FOXP4: variants seen among roughly 807,000 people sequenced by gnomAD.
FOXP4 encodes forkhead box P4.
FOXP4 carries 25 observed loss-of-function variants against 82.6 expected under a neutral mutation model. The ratio of observed to expected loss-of-function variants is 0.30; its 90% CI spans 0.22 to 0.42. The LOEUF (loss-of-function observed/expected upper bound fraction) is 0.42, where lower values mean the gene tolerates loss of function less well. Among genes scored for constraint, FOXP4 ranks in the 10% least tolerant of loss-of-function variants. The pLI, the probability that FOXP4 is intolerant of heterozygous loss-of-function variation, is 1.00. For synonymous variants in FOXP4, 415 were observed against 388.2 expected (o/e 1.07, Z -0.81); for missense variants, 785 against 900.9 (o/e 0.87, Z 1.65).
chr6:41,551,519 C>T (rs1010755526), intron 1 of FOXP4, among the ~76,000 whole-genome samples: 4 of 152,230 alleles, frequency 2.6e-5, no homozygotes, highest in African/African-American at 9.6e-5. Flanking sequence ...GGAGCCTCCA[C>T]AGCCAGGCCT....
At chr6:41,575,629 A>T (rs1288891621) in intron 2 of FOXP4, among the ~76,000 whole-genome samples, 1 of 151,968 alleles carries the variant, frequency 6.6e-6, no homozygotes, top group African/African-American at 2.4e-5. Context: ...TTTTCCTGTA[A>T]ATCATGTAAT....
In FOXP4 at chr6:41,599,537, G is replaced by T. The variant is rs1767093924; in HGVS notation, c.*601G>T. On this transcript the variant is annotated 3_prime_UTR_variant, in exon 17 of 17. Coordinates refer to ENST00000307972, the MANE Select transcript of FOXP4 (RefSeq NM_001012426.2). ...GGTGGGACTGTCTGTGTGCCCTGTG[G>T]GGGTCCGTGTGAGCAGGCCCACCTG... The T allele has an allele frequency of 6.5e-6, 1 of 152,690 alleles. No homozygotes were observed. Among genetic ancestry groups the T allele is most frequent in the African/African-American group, 2.4e-5 (1 of 41,428 alleles). 9.5% of individuals were successfully genotyped at this position (152,690 alleles called of 1,614,324 possible).
intron 2 of FOXP4, 27 bp from the exon 3 acceptor site, chr6:41,577,959 A>T (rs763961570): frequency 1.3e-6 from 2 of 1,589,256 alleles, no homozygotes; most frequent in Non-Finnish European, 1.7e-6. Flanking sequence ...CTCCCAGGCC[A>T]TTGCTGACTC....
chr6:41,581,950 GTGTC>G (rs1581758147), intron 3 of FOXP4, among the ~76,000 whole-genome samples: 2 of 152,342 alleles, frequency 1.3e-5, no homozygotes, highest in East Asian at 3.9e-4. Context: ...GATCTTCTGA[GTGTC>G]TGGTCTCAGT....
intron 2 of FOXP4, among the ~76,000 whole-genome samples, chr6:41,566,359 G>A (rs528915069): frequency 6.6e-6 from 1 of 152,192 alleles, no homozygotes; most frequent in African/African-American, 2.4e-5. Context: ...AGGGTGCTGT[G>A]CACACAGGGG....
intron 5 of FOXP4, 69 bp downstream of exon 5, chr6:41,585,586 C>A: frequency 7.0e-7 from 1 of 1,430,470 alleles, no homozygotes; most frequent in South Asian, 1.3e-5. Context: ...CAGAGCTGGT[C>A]AGGAGGGAAT....
intron 7 of FOXP4, 107 bp downstream of exon 7, chr6:41,587,619 G>A (rs557410453): frequency 4.8e-4 from 495 of 1,035,484 alleles, no homozygotes; most frequent in Middle Eastern, 3.0e-3. Flanking sequence ...CCCACGGACC[G>A]GAGGTTCACT....
At chr6:41,557,434 A>G (rs1764336296) in intron 1 of FOXP4, among the ~76,000 whole-genome samples, 1 of 152,178 alleles carries the variant, frequency 6.6e-6, no homozygotes, top group African/African-American at 2.4e-5. Context: ...TCCTGTTCCC[A>G]TAGAGTATCC....
Position 41,600,031 on chromosome 6 carries a change from A to G in FOXP4, c.*1095A>G. 1 of 152,320 alleles carries G rather than the reference A, an allele frequency of 6.6e-6. No homozygotes were observed. The highest frequency in any genetic ancestry group is 1.9e-4 in the East Asian group (1 of 5,166). 9.4% of individuals were successfully genotyped at this position (152,320 alleles called of 1,614,324 possible). A position where few individuals can be genotyped will look rare whatever the true frequency, so the allele number is the denominator to read the frequency against. On this transcript the variant is annotated 3_prime_UTR_variant, in exon 17 of 17. Coordinates refer to ENST00000307972, the MANE Select transcript of FOXP4 (RefSeq NM_001012426.2). ...CCTCCCAGTCTCCCACCCCGGCCCC[A>G]GGCTGGAAGCCCTCCCTCCACTTAA... is the stretch of plus-strand genomic sequence containing the variant.
chr6:41,553,668 G>T (rs1764122527), intron 1 of FOXP4, among the ~76,000 whole-genome samples: 1 of 152,194 alleles, frequency 6.6e-6, no homozygotes, highest in African/African-American at 2.4e-5. Flanking sequence ...GGGGCTTCTG[G>T]TGAGAAACTT....
At chr6:41,594,736 C>T (rs534329490) in intron 13 of FOXP4, 134 bp from the exon 14 acceptor site, 12 of 1,362,994 alleles carry the variant, frequency 8.8e-6, no homozygotes, top group Middle Eastern at 1.9e-4. Flanking sequence ...TCCCAGCCCA[C>T]CCCCCTCCCC....
chr6:41,555,697 T>C (rs1764236699), intron 1 of FOXP4, among the ~76,000 whole-genome samples: 1 of 152,236 alleles, frequency 6.6e-6, no homozygotes. Flanking sequence ...AAACTTGGCA[T>C]TCGGCTCCTC....
chr6:41,560,515 C>T (rs555041131), intron 1 of FOXP4, among the ~76,000 whole-genome samples: 1 of 152,252 alleles, frequency 6.6e-6, no homozygotes, highest in African/African-American at 2.4e-5. Flanking sequence ...GGGGCCTCAT[C>T]TCCACTCCAG....
chr6:41,570,573 G>A (rs757991882), intron 2 of FOXP4, among the ~76,000 whole-genome samples: 10 of 152,096 alleles, frequency 6.6e-5, no homozygotes, highest in Non-Finnish European at 1.3e-4. Context: ...CTGGAGGAGG[G>A]ATCTGCAGAC....
chr6:41,571,457 C>A (rs1765194537), intron 2 of FOXP4, among the ~76,000 whole-genome samples: 1 of 152,216 alleles, frequency 6.6e-6, no homozygotes, highest in South Asian at 2.1e-4. Context: ...AGGCCAGAAA[C>A]TAGTTCCTTA....
intron 1 of FOXP4, among the ~76,000 whole-genome samples, chr6:41,565,042 T>C (rs1412767126): frequency 6.6e-6 from 1 of 152,192 alleles, no homozygotes; most frequent in Non-Finnish European, 1.5e-5. Flanking sequence ...GTCTTTGCTT[T>C]GTTGGTGTAG....
At chr6:41,588,501 C>T (rs996276070) in intron 8 of FOXP4, 143 bp from the exon 9 acceptor site, 15 of 788,658 alleles carry the variant, frequency 1.9e-5, no homozygotes, top group East Asian at 1.0e-4. Flanking sequence ...TCCATTGCCC[C>T]GTTTTTCCAC....
rs759586506 is a variant in FOXP4 at position 41,591,741 on chromosome 6, A to G, written c.1536+419A>G. 6.6e-6 allele frequency among the ~76,000 whole-genome samples: 1 copy of G among 152,180 alleles called. No individual in the cohort carries two copies. Among genetic ancestry groups the G allele is most frequent in the Non-Finnish European group, 1.5e-5 (1 of 68,040 alleles). ...TCTGAAGCCTGAGGTGGGGCTAGGA[A>G]AGCGCAGGTATAGACACACGGATGG... On this transcript the variant is annotated intron_variant, in intron 13 of 16. Transcript: ENST00000307972. The surrounding 1 kb of genome is among the most constrained non-coding windows in gnomAD (Gnocchi z 4.2).
chr6:41,573,019 C>T (rs951947545), intron 2 of FOXP4, among the ~76,000 whole-genome samples: 5 of 152,142 alleles, frequency 3.3e-5, no homozygotes, highest in African/African-American at 9.7e-5. Context: ...GACTAGATAC[C>T]CTCTAACACT....
Sources: gnomAD v4.1 joint callset for allele counts (sites outside exome capture counted in the v4.1 genomes callset) on GRCh38, gnomAD v4.1.1 for gene constraint, Gnocchi (gnomAD v3.1) non-coding constraint, MANE v1.5 for transcripts, NCBI Gene and HGNC (gene_info 2026-07-23, HGNC 2026-07-21) for gene names.